The following FABP7 variants were observed in gnomAD, a reference collection of about 807,000 sequenced individuals.
FABP7 encodes the protein fatty acid-binding protein, brain.
In FABP7, 13 loss-of-function variants were observed where a neutral mutation model predicts 14.2. The observed-to-expected ratio is 0.91, with a 90% confidence interval of 0.59 to 1.45. The LOEUF (loss-of-function observed/expected upper bound fraction) is 1.45, where lower values mean the gene tolerates loss of function less well. FABP7 is among the 40% of genes most tolerant of loss of function. The pLI is 0.00. For synonymous variants in FABP7, 49 were observed against 51.4 expected (o/e 0.95, Z 0.20); for missense variants, 149 against 157.6 (o/e 0.95, Z 0.29).
chr6:122,771,765 G>T, the FABP7 span, among the ~76,000 whole-genome samples: 1 of 152,168 alleles, frequency 6.6e-6, no homozygotes, highest in Non-Finnish European at 1.5e-5. Context: ...ACCTTTCTCT[G>T]GGGATCATAT....
rs1388189012 is a variant in FABP7 at position 122,783,127 on chromosome 6, A to G, written c.349-590A>G. On this transcript the variant is annotated intron_variant, in intron 3 of 3. Transcript: ENST00000368444. ...AGTTCTGTAAAGTGGTTTTATAATA[A>G]CTCTTCAAGTTAGATTTGACATTAG... The G allele has an allele frequency of 5.1e-6, 5 of 985,280 alleles. No homozygotes were observed. In the African/African-American group the frequency reaches 8.7e-5, roughly 17 times the overall value. The allele number at this position is 985,280 out of a possible 1,614,324, so 61.0% of individuals were successfully genotyped here. A position where few individuals can be genotyped will look rare whatever the true frequency, so the allele number is the denominator to read the frequency against.
chr6:122,754,623 T>C, the FABP7 span, among the ~76,000 whole-genome samples: 1 of 117,956 alleles, frequency 8.5e-6, no homozygotes, highest in African/African-American at 3.2e-5. Flanking sequence ...CACCCACTTT[T>C]CAGTGGTAAC....
the FABP7 span, among the ~76,000 whole-genome samples, chr6:122,763,202 T>A: frequency 5.3e-5 from 8 of 152,102 alleles, no homozygotes; most frequent in Admixed American, 3.9e-4. Context: ...TATAGATCAA[T>A]GGAACAGAAC....
chr6:122,782,882 G>A, intron 3 of FABP7: 1 of 985,260 alleles, frequency 1.0e-6, no homozygotes, highest in Non-Finnish European at 1.2e-6. Flanking sequence ...TAAAAGAAAG[G>A]ACTCATTTCT....
chr6:122,755,722 G>T, the FABP7 span, among the ~76,000 whole-genome samples: 1 of 152,010 alleles, frequency 6.6e-6, no homozygotes, highest in East Asian at 1.9e-4. Flanking sequence ...CTCCCAAAGT[G>T]CTGGGATTAC....
upstream of FABP7, among the ~76,000 whole-genome samples, chr6:122,776,880 T>C (rs962774241): frequency 6.6e-6 from 1 of 152,230 alleles, no homozygotes; most frequent in African/African-American, 2.4e-5. Context: ...TATGGCAACA[T>C]GTATTCTTTT....
upstream of FABP7, among the ~76,000 whole-genome samples, chr6:122,775,541 C>A (rs1248315073): frequency 6.6e-6 from 1 of 151,960 alleles, no homozygotes; most frequent in African/African-American, 2.4e-5. Context: ...ATATATAAGA[C>A]CTGAAACTAT....
chr6:122,773,093 T>C, the FABP7 span, among the ~76,000 whole-genome samples: 1 of 152,140 alleles, frequency 6.6e-6, no homozygotes, highest in South Asian at 2.1e-4. Context: ...TCAGAAGTAA[T>C]CAGATTTCCC....
chr6:122,753,797 C>CCA, the FABP7 span, among the ~76,000 whole-genome samples: 115 of 106,010 alleles, frequency 1.1e-3, no homozygotes, highest in African/African-American at 4.0e-3. Context: ...CCCCCCCCGC[C>CCA]CACAGAAGTT....
Position 122,781,175 on chromosome 6 carries a change from A to C in FABP7, c.329A>C (p.Lys110Thr), listed in dbSNP as rs1780773448. ...GKETNFVREI[K>T]DGKMVMTLTF... ...GAAACAAATTTTGTAAGAGAAATTA[A>C]GGATGGCAAAATGGTTATGGTAAGT... The change falls in exon 3 of 4, where the codon AAG (lysine) becomes ACG (threonine). Residue 110 changes from lysine to threonine, a missense_variant. Physicochemically the swap from Lys to Thr is moderately conservative, Grantham distance 78. Transcript: ENST00000368444. 6.2e-7 allele frequency: 1 copy of C among 1,613,944 alleles called. No homozygotes were observed. Among genetic ancestry groups the C allele is most frequent in the Non-Finnish European group, 8.5e-7 (1 of 1,179,982 alleles).
In FABP7 at chr6:122,783,869, T is replaced by C. The variant is rs565391150; in HGVS notation, c.*102T>C. ...CATGGCTGATCATTAATTAGAAGGT[T>C]ATCCTTGGTGTGGAGGTGGAAAATG... On this transcript the variant is annotated 3_prime_UTR_variant, in exon 4 of 4. Transcript: ENST00000368444. 2 of 965,902 alleles carry C rather than the reference T, an allele frequency of 2.1e-6. No individual in the cohort carries two copies. Among genetic ancestry groups the C allele is most frequent in the African/African-American group, 1.7e-5 (1 of 58,456 alleles). 59.8% of individuals were successfully genotyped at this position (965,902 alleles called of 1,614,324 possible).
At chr6:122,768,320 C>T in the FABP7 span, among the ~76,000 whole-genome samples, 1 of 152,026 alleles carries the variant, frequency 6.6e-6, no homozygotes, top group South Asian at 2.1e-4. Flanking sequence ...TAACCTATGA[C>T]CAATCAATGA....
chr6:122,782,358 T>C (rs757547309), intron 3 of FABP7: 7 of 511,084 alleles, frequency 1.4e-5, no homozygotes, highest in Non-Finnish European at 1.8e-5. Context: ...CTCCCTTGCT[T>C]CTTCCTACTT....
chr6:122,774,304 G>A, the FABP7 span, among the ~76,000 whole-genome samples: 3 of 136,550 alleles, frequency 2.2e-5, no homozygotes, highest in African/African-American at 8.2e-5. Context: ...GGAGATTGCA[G>A]TGAGCCCAGA....
upstream of FABP7, among the ~76,000 whole-genome samples, chr6:122,776,595 G>A (rs1272416082): frequency 5.3e-5 from 8 of 152,116 alleles, no homozygotes; most frequent in East Asian, 1.5e-3. Context: ...ATAAATTCTA[G>A]CCTTTGATAC....
the FABP7 span, among the ~76,000 whole-genome samples, chr6:122,760,099 T>TA: frequency 5.8e-5 from 8 of 138,500 alleles, no homozygotes; most frequent in Middle Eastern, 4.0e-3. Flanking sequence ...AGACTCTGAT[T>TA]CAAAAAAAAA....
the FABP7 span, among the ~76,000 whole-genome samples, chr6:122,758,082 A>G: frequency 6.8e-6 from 1 of 147,730 alleles, no homozygotes; most frequent in East Asian, 2.0e-4. Context: ...AAATTAAGTA[A>G]ATTTGTGAAT....
chr6:122,764,265 A>G, the FABP7 span, among the ~76,000 whole-genome samples: 2 of 152,122 alleles, frequency 1.3e-5, no homozygotes, highest in East Asian at 1.9e-4. Flanking sequence ...GGAAGCCATT[A>G]TTCTGAGCAA....
chr6:122,767,420 G>T, the FABP7 span, among the ~76,000 whole-genome samples: 1 of 152,076 alleles, frequency 6.6e-6, no homozygotes, highest in South Asian at 2.1e-4. Flanking sequence ...ATTAAAGAGG[G>T]TTCAGAGAAA....
Sources: gnomAD v4.1 joint callset for allele counts (sites outside exome capture counted in the v4.1 genomes callset) on GRCh38, gnomAD v4.1.1 for gene constraint, MANE v1.5 for transcripts, NCBI Gene and HGNC (gene_info 2026-07-23, HGNC 2026-07-21) for gene names.